The following COPG2 variants were observed in gnomAD, a reference collection of about 807,000 sequenced individuals.
COPG2 encodes the protein coat protein complex I subunit gamma 2.
In COPG2, 37 loss-of-function variants were observed where a neutral mutation model predicts 46.3. The observed-to-expected ratio is 0.80, with a 90% CI of 0.61 to 1.05. COPG2 has a LOEUF of 1.05. COPG2 is among the 50% of genes least tolerant of loss of function. COPG2 has a pLI of 0.00. For missense variants in COPG2, 427 were observed against 387.8 expected, an observed-to-expected ratio of 1.10 and a Z score of -0.85; for synonymous variants, 159 against 129.7, an observed-to-expected ratio of 1.23 and a Z score of -1.53.
rs1191574473 is a variant in COPG2 at position 130,550,599 on chromosome 7, A to G, written c.1699T>C (p.Leu567=). 1 of 398,188 alleles carries G rather than the reference A, an allele frequency of 2.5e-6. No homozygotes were observed. Among genetic ancestry groups the G allele is most frequent in the Non-Finnish European group, 4.4e-6 (1 of 225,812 alleles). 24.7% of individuals were successfully genotyped at this position (398,188 alleles called of 1,614,324 possible). Residue 567 remains leucine (L), a synonymous_variant, in exon 17 of 24, where the codon TTG becomes CTG. Transcript: ENST00000425248. ...GMEKALHQYT[L]EPSEKPFDMK... ...TCAAACGGTTTTTCTGAAGGCTCCA[A>G]CGTGTACTGGTGTAAGGCTTTTTCC...
chr7:130,574,572 A>T (rs539010643), intron 9 of COPG2, among the ~76,000 whole-genome samples: 1 of 152,290 alleles, frequency 6.6e-6, no homozygotes, highest in South Asian at 2.1e-4. Context: ...CTTCCCTCTG[A>T]CAGAGCCTAC....
intron 3 of COPG2, among the ~76,000 whole-genome samples, chr7:130,663,539 T>C (rs959197602): frequency 6.6e-6 from 1 of 151,886 alleles, no homozygotes; most frequent in African/African-American, 2.4e-5. Context: ...AGGAACCAGA[T>C]TCATCATATT....
rs782560349 is a variant in COPG2, at chr7:130,603,771, A to C, written c.737+7182T>G. On this transcript the variant is annotated intron_variant, in intron 9 of 23. Coordinates refer to ENST00000425248, the MANE Select transcript of COPG2 (RefSeq NM_012133.6). ...ATTTGCGGCAATTATGAATAACAGT[A>C]CTATAGGCATCTTGTACAGTTGATC... 15 of 503,916 alleles carry C rather than the reference A, an allele frequency of 3.0e-5. No individual in the cohort carries two copies. In the Admixed American group the frequency reaches 3.1e-4, roughly 10 times the overall value. The allele number at this position is 503,916 out of a possible 1,614,324, so 31.2% of individuals were successfully genotyped here.
chr7:130,539,039 T>C (rs1298282270), intron 20 of COPG2, among the ~76,000 whole-genome samples: 1 of 152,146 alleles, frequency 6.6e-6, no homozygotes, highest in Non-Finnish European at 1.5e-5. Context: ...TGGAAACTTT[T>C]TCCAGAGGGC....
chr7:130,529,252 G>T (rs913749461), intron 20 of COPG2, among the ~76,000 whole-genome samples: 3 of 152,182 alleles, frequency 2.0e-5, no homozygotes, highest in Admixed American at 2.0e-4. Flanking sequence ...ACTGCAGAGT[G>T]CAGTCATTGA....
At chr7:130,528,480 G>A (rs1584964057) in intron 20 of COPG2, among the ~76,000 whole-genome samples, 1 of 151,980 alleles carries the variant, frequency 6.6e-6, no homozygotes, top group Non-Finnish European at 1.5e-5. Context: ...TGCATCTGGC[G>A]GAGCAGCGGG....
intron 7 of COPG2, 52 bp downstream of exon 7, chr7:130,613,492 C>A (rs1554452428): frequency 1.8e-6 from 2 of 1,110,766 alleles, no homozygotes; most frequent in Non-Finnish European, 1.3e-6. Context: ...TTTGTTTTCG[C>A]AACTCAAAAC....
At chr7:130,613,428 A>G in intron 7 of COPG2, 116 bp downstream of exon 7, 1 of 700,616 alleles carries the variant, frequency 1.4e-6, no homozygotes, top group Non-Finnish European at 2.5e-6. Flanking sequence ...ATAAAGTAAT[A>G]GAGGTGTATA....
chr7:130,647,353 T>C (rs1236350262), intron 5 of COPG2, among the ~76,000 whole-genome samples: 1 of 152,166 alleles, frequency 6.6e-6, no homozygotes, highest in African/African-American at 2.4e-5. Flanking sequence ...AGTATCTTTA[T>C]AGCAGTATGA....
At chr7:130,540,315 A>C (rs911772616) in intron 20 of COPG2, among the ~76,000 whole-genome samples, 15 of 152,136 alleles carry the variant, frequency 9.9e-5, no homozygotes, top group African/African-American at 3.6e-4. Flanking sequence ...CGAAAGGTCA[A>C]GGTAAATGGC....
At chr7:130,538,271 T>C (rs1223815787) in intron 20 of COPG2, among the ~76,000 whole-genome samples, 7 of 151,956 alleles carry the variant, frequency 4.6e-5, no homozygotes, top group East Asian at 1.9e-4. Flanking sequence ...AAGTGAGACA[T>C]TGGAGTGGAG....
chr7:130,613,287 A>G (rs968874986), intron 7 of COPG2, among the ~76,000 whole-genome samples: 1 of 151,992 alleles, frequency 6.6e-6, no homozygotes, highest in Non-Finnish European at 1.5e-5. Flanking sequence ...CAGGAGGCGG[A>G]GCTCAGGCAG....
intron 8 of COPG2, among the ~76,000 whole-genome samples, chr7:130,611,313 A>G (rs1794845014): frequency 6.6e-6 from 1 of 152,234 alleles, no homozygotes. Context: ...GAAGCTGTCA[A>G]TTCAGACTGG....
At chr7:130,591,742 CCCGCCCGG>C (rs1794431343) in intron 9 of COPG2, among the ~76,000 whole-genome samples, 2 of 142,500 alleles carry the variant, frequency 1.4e-5, no homozygotes, top group African/African-American at 5.5e-5. Context: ...GGGTCAGCCC[CCCGCCCGG>C]CCAGCCACCC....
intron 5 of COPG2, among the ~76,000 whole-genome samples, chr7:130,633,790 T>C (rs1237781842): frequency 1.3e-5 from 2 of 152,238 alleles, no homozygotes; most frequent in African/African-American, 4.8e-5. Context: ...ATGAAGTCTT[T>C]GCCCATGCCT....
intron 9 of COPG2, chr7:130,603,797 C>G (rs782092723): frequency 4.8e-5 from 25 of 517,540 alleles, no homozygotes; most frequent in South Asian, 3.4e-4. Context: ...ACAGTTGATC[C>G]TCGAACAACA....
intron 9 of COPG2, among the ~76,000 whole-genome samples, chr7:130,586,655 C>T (rs1357573927): frequency 2.0e-5 from 3 of 151,916 alleles, no homozygotes; most frequent in East Asian, 3.9e-4. Flanking sequence ...GTAGAGACAG[C>T]ATTTTACCAT....
chr7:130,547,963 C>A, intron 19 of COPG2, 118 bp from the exon 20 acceptor site: 1 of 397,506 alleles, frequency 2.5e-6, no homozygotes, highest in East Asian at 3.6e-5. Flanking sequence ...CAGGGTAGGT[C>A]TCCTCCTAAG....
chr7:130,523,384 G>C (rs1799743611), intron 20 of COPG2, among the ~76,000 whole-genome samples: 1 of 152,134 alleles, frequency 6.6e-6, no homozygotes, highest in Non-Finnish European at 1.5e-5. Flanking sequence ...AGCAAAAGAA[G>C]AAACCGAGCC....
Sources: gnomAD v4.1 joint callset for allele counts (sites outside exome capture counted in the v4.1 genomes callset) on GRCh38, gnomAD v4.1.1 for gene constraint, MANE v1.5 for transcripts, NCBI Gene and HGNC (gene_info 2026-07-23, HGNC 2026-07-21) for gene names.